ERFL: variants seen among roughly 807,000 people sequenced by gnomAD.
ERFL encodes ETS domain-containing transcription factor ERF-like.
ERFL carries 8 observed loss-of-function variants against 27.9 expected under a neutral mutation model. The ratio of observed to expected loss-of-function variants is 0.29; its 90% CI spans 0.17 to 0.52. The LOEUF is 0.52. Ranked by LOEUF, ERFL falls within the 20% of genes least tolerant of loss-of-function variation. ERFL has a pLI of 0.97. For missense variants in ERFL, 294 were observed against 444.4 expected, an observed-to-expected ratio of 0.66 and a Z score of 3.04; for synonymous variants, 174 against 202.8, an observed-to-expected ratio of 0.86 and a Z score of 1.21.
chr19:41,909,940 G>T lies in ERFL; in HGVS notation c.225C>A (p.Pro75=). The T allele has an allele frequency of 1.9e-6, 3 of 1,613,880 alleles. No homozygotes were observed. Among genetic ancestry groups the T allele is most frequent in the South Asian group, 2.2e-5 (2 of 91,068 alleles). ...GDYGEFVIKD[P]DEVARLWGIR... Reference sequence around the variant, plus strand: ...TACCCCACAGCCGGGCCACCTCATCGGGGTCTTTGATGACGAATTCCCCGT... The same window carrying T: ...TACCCCACAGCCGGGCCACCTCATCTGGGTCTTTGATGACGAATTCCCCGT... Residue 75 remains proline (P), a synonymous_variant, in exon 3 of 6, where the codon CCC becomes CCA. Coordinates refer to ENST00000597630, the MANE Select transcript of ERFL (RefSeq NM_001365103.2). This position sits in a 1 kb window ranked among gnomAD's most constrained non-coding sequence, Gnocchi z 5.2.
chr19:41,919,020 G>A (rs60505133), intron 1 of ERFL, among the ~76,000 whole-genome samples: 40,113 of 149,384 alleles, frequency 0.27, 11,401 homozygotes, highest in African/African-American at 0.72. Flanking sequence ...TACACACCAT[G>A]CCACAGACAC....
At chr19:41,912,795 G>T in intron 2 of ERFL, 58 bp downstream of exon 2, 1 of 575,660 alleles carries the variant, frequency 1.7e-6, no homozygotes, top group Non-Finnish European at 2.5e-6. Context: ...GGGGGATGCG[G>T]CTCACTGGGG....
chr19:41,913,371 C>A (rs1555851442), intron 1 of ERFL, among the ~76,000 whole-genome samples: 1 of 150,128 alleles, frequency 6.7e-6, no homozygotes, highest in Non-Finnish European at 1.5e-5. Context: ...GTCTCTGGGT[C>A]TCCCTCTGTC....
At position 41,909,772 on chromosome 19, in the gene ERFL, G is replaced by T; in HGVS notation, c.302+91C>A. On this transcript the variant is annotated intron_variant, in intron 3 of 5. Transcript: ENST00000597630. The surrounding 1 kb of genome is among the most constrained non-coding windows in gnomAD (Gnocchi z 5.2). ...ACAGCCCTGTGCCTTGTGGGATCCA[G>T]CAGGAACCTGCCCCAGGATGCAGAG... The T allele has an allele frequency of 7.2e-7, 1 of 1,391,096 alleles. No individual in the cohort carries two copies. Among genetic ancestry groups the T allele is most frequent in the Non-Finnish European group, 9.7e-7 (1 of 1,034,408 alleles). The allele number at this position is 1,391,096 out of a possible 1,614,324, so 86.2% of individuals were successfully genotyped here. A position where few individuals can be genotyped will look rare whatever the true frequency, so the allele number is the denominator to read the frequency against.
At chr19:41,926,512 C>G (rs1215427589) in intron 1 of ERFL, among the ~76,000 whole-genome samples, 1 of 152,096 alleles carries the variant, frequency 6.6e-6, no homozygotes, top group Admixed American at 6.5e-5. Context: ...GGTCTGCCAC[C>G]TCGATTTCTC....
chr19:41,921,506 CAG>C lies in ERFL; in HGVS notation c.-14+6532_-14+6533del, dbSNP rs2074842107. Among the ~76,000 whole-genome samples, 1 of 151,640 alleles carries C rather than the reference CAG, an allele frequency of 6.6e-6. No homozygotes were observed. The highest frequency in any genetic ancestry group is 6.6e-5 in the Admixed American group (1 of 15,252). Reference sequence around the variant, plus strand: ...CGCAGAGAGAAGAGAGAGACAGAGACAGAGAGACAGGCAGGGGGAGATCCGAG... The same window carrying C: ...CGCAGAGAGAAGAGAGAGACAGAGACAGAGACAGGCAGGGGGAGATCCGAG... On this transcript the variant is annotated intron_variant, in intron 1 of 5. Transcript: ENST00000597630. The surrounding 1 kb of genome is among the most constrained non-coding windows in gnomAD (Gnocchi z 4.4).
rs1037172360 is a variant in ERFL at position 41,917,410 on chromosome 19, C to A, written c.-13-4478G>T. ...TTGTTTTGATTTCTCTAAGCTGCGC[C>A]GGCCGCCTCGGGAGCCGCCTCGGGC... is the stretch of plus-strand genomic sequence containing the variant. On this transcript the variant is annotated intron_variant, in intron 1 of 5. Coordinates refer to ENST00000597630, the MANE Select transcript of ERFL (RefSeq NM_001365103.2). This position sits in a 1 kb window ranked among gnomAD's most constrained non-coding sequence, Gnocchi z 4.8. Among the ~76,000 whole-genome samples the A allele has an allele frequency of 6.6e-6, 1 of 152,068 alleles. No homozygotes were observed. Among genetic ancestry groups the A allele is most frequent in the Non-Finnish European group, 1.5e-5 (1 of 67,998 alleles).
intron 1 of ERFL, among the ~76,000 whole-genome samples, chr19:41,918,905 CACAT>C (rs782420559): frequency 1.3e-5 from 2 of 151,314 alleles, no homozygotes; most frequent in Admixed American, 1.3e-4. Flanking sequence ...ACCCATTACA[CACAT>C]ACACCACACA....
At chr19:41,919,026 G>A (rs1352537440) in intron 1 of ERFL, among the ~76,000 whole-genome samples, 1 of 148,064 alleles carries the variant, frequency 6.8e-6, no homozygotes, top group Non-Finnish European at 1.5e-5. Context: ...CCATGCCACA[G>A]ACACTATACA....
rs2074762381 is a variant in ERFL at position 41,912,925 on chromosome 19, A to T, written c.-6T>A. On this transcript the variant is annotated 5_prime_UTR_variant, in exon 2 of 6. Coordinates refer to ENST00000597630, the MANE Select transcript of ERFL (RefSeq NM_001365103.2). The stretch of plus-strand genomic sequence containing the variant: ...GAGACGCAGCTACAGTCCATGGCGG[A>T]GCCGGCCCTGCAGAGGCCGGGAGGG... The T allele has an allele frequency of 1.6e-6, 2 of 1,230,374 alleles. No homozygotes were observed. The highest frequency in any genetic ancestry group is 2.0e-6 in the Non-Finnish European group (2 of 987,170). 76.2% of individuals were successfully genotyped at this position (1,230,374 alleles called of 1,614,324 possible). A position where few individuals can be genotyped will look rare whatever the true frequency, so the allele number is the denominator to read the frequency against.
At chr19:41,920,870 G>A (rs1270977848) in intron 1 of ERFL, among the ~76,000 whole-genome samples, 2 of 152,210 alleles carry the variant, frequency 1.3e-5, no homozygotes, top group Non-Finnish European at 2.9e-5. Flanking sequence ...AGAGAGGCCT[G>A]TGGGTGGGGC....
At chr19:41,920,132 C>A (rs1249097162) in intron 1 of ERFL, among the ~76,000 whole-genome samples, 2 of 111,742 alleles carry the variant, frequency 1.8e-5, no homozygotes, top group Non-Finnish European at 3.5e-5. Context: ...CTCACACATG[C>A]GCTCACAGAC....
In ERFL at chr19:41,909,073, T is replaced by G; in HGVS notation, c.603A>C (p.Pro201=). Residue 201 remains proline (P), a synonymous_variant, in exon 5 of 6, where the codon CCA becomes CCC. Transcript: ENST00000597630. The surrounding 1 kb of genome is among the most constrained non-coding windows in gnomAD (Gnocchi z 5.2). ...CCAGGCTCTTACCAGAGCCCAGGAA[T>G]GGGAAAGGGCTGTCCAGACGCAATT... The part of the protein sequence containing the change: ...TDKLRLDSPF[P]FLGSGATSYS... 1.6e-6 allele frequency: 2 copies of G among 1,231,252 alleles called. No homozygotes were observed. Among genetic ancestry groups the G allele is most frequent in the Non-Finnish European group, 2.0e-6 (2 of 987,756 alleles). The allele number at this position is 1,231,252 out of a possible 1,614,324, so 76.3% of individuals were successfully genotyped here. A position where few individuals can be genotyped will look rare whatever the true frequency, so the allele number is the denominator to read the frequency against.
rs2074746203 is a variant in ERFL at position 41,910,573 on chromosome 19, G to C, written c.68-476C>G. Among the ~76,000 whole-genome samples, 1 of 152,024 alleles carries C rather than the reference G, an allele frequency of 6.6e-6. No individual in the cohort carries two copies. Among genetic ancestry groups the C allele is most frequent in the Admixed American group, 6.6e-5 (1 of 15,264 alleles). ...CTGCTCCACCTTTCGACATTCCCCAGAGCCCCCCACTGACCCATCCTGGCA... is the reference window on the plus strand; with the variant it reads ...CTGCTCCACCTTTCGACATTCCCCACAGCCCCCCACTGACCCATCCTGGCA... On this transcript the variant is annotated intron_variant, in intron 2 of 5. Transcript: ENST00000597630. This position sits in a 1 kb window ranked among gnomAD's most constrained non-coding sequence, Gnocchi z 4.4.
In ERFL at chr19:41,914,595, C is replaced by CGTCTCT. The variant is rs1568831646; in HGVS notation, c.-13-1664_-13-1663insAGAGAC. 9.1e-5 allele frequency among the ~76,000 whole-genome samples: 5 copies of CGTCTCT among 55,020 alleles called. 1 individual carries two copies. The highest frequency in any genetic ancestry group is 4.3e-4 in the Admixed American group (2 of 4,598). The allele number at this position is 55,020 out of a possible 152,430, so 36.1% of individuals were successfully genotyped here. A position where few individuals can be genotyped will look rare whatever the true frequency, so the allele number is the denominator to read the frequency against. On this transcript the variant is annotated intron_variant, in intron 1 of 5. Coordinates refer to ENST00000597630, the MANE Select transcript of ERFL (RefSeq NM_001365103.2). ...TCTCCGTCTCTCCCTCCCTTTCCAC[C>CGTCTCT]ATCTCTGTCTCTCCCTCCCCTTCCA...
Position 41,920,343 on chromosome 19 carries a change from TGCACTCAGACGTGAC to T in ERFL, c.-13-7426_-13-7412del, listed in dbSNP as rs1439740308. Among the ~76,000 whole-genome samples, 87 of 130,280 alleles carry T rather than the reference TGCACTCAGACGTGAC, an allele frequency of 6.7e-4. 2 individuals are homozygous for T. The highest frequency in any genetic ancestry group is 2.5e-3 in the African/African-American group (84 of 33,912). 85.5% of individuals were successfully genotyped at this position (130,280 alleles called of 152,430 possible). On this transcript the variant is annotated intron_variant, in intron 1 of 5. Coordinates refer to ENST00000597630, the MANE Select transcript of ERFL (RefSeq NM_001365103.2). ...CCAGACGTGACACACTCAGACGTGA[TGCACTCAGACGTGAC>T]GCACAGACATGACATGTTCACAGAC... is the stretch of plus-strand genomic sequence containing the variant.
In ERFL at chr19:41,928,026, C is replaced by T. The variant is rs1175202564; in HGVS notation, c.-14+14G>A. The T allele has an allele frequency of 2.6e-5, 4 of 152,174 alleles. No homozygotes were observed. Among genetic ancestry groups the T allele is most frequent in the African/African-American group, 9.7e-5 (4 of 41,446 alleles). The allele number at this position is 152,174 out of a possible 1,614,324, so 9.4% of individuals were successfully genotyped here. On this transcript the variant is annotated intron_variant, in intron 1 of 5. Transcript: ENST00000597630. ...CCCCTCCCCGCCCCTGCGCCGGCCG[C>T]GGCGCTCACTCACTTTCTGGGCTTT...
chr19:41,909,598 C>T lies in ERFL; in HGVS notation c.303-127G>A. 4.7e-6 allele frequency: 4 copies of T among 845,682 alleles called. No homozygotes were observed. The highest frequency in any genetic ancestry group is 2.7e-5 in the South Asian group (1 of 37,454). The allele number at this position is 845,682 out of a possible 1,614,324, so 52.4% of individuals were successfully genotyped here. On this transcript the variant is annotated intron_variant, in intron 3 of 5. Coordinates refer to ENST00000597630, the MANE Select transcript of ERFL (RefSeq NM_001365103.2). The surrounding 1 kb of genome is among the most constrained non-coding windows in gnomAD (Gnocchi z 5.2). ...ACTAGAACTTGGGGAAACTGAGGCT[C>T]ACAGAAGTCCCTTAATAGGGATCAC...
Position 41,908,629 on chromosome 19 carries a change from G to A in ERFL, c.664C>T (p.Arg222Cys), listed in dbSNP as rs1348958783. ...TTCCAGGGGTACTCAGGGAAGGCGC[G>A]GCCATAAGGACCCAGCAGGCCAGGG... Reference protein sequence around the residue: ...KPPGLLGPYGRAFPEYPWNFN... With the variant: ...KPPGLLGPYGCAFPEYPWNFN... Residue 222 changes from arginine to cysteine, a missense_variant, in exon 6 of 6, where the codon CGC (arginine) becomes TGC (cysteine). This residue lies in a region of ERFL where 246 missense variants were observed against 371.4 expected (regional missense o/e 0.66). Coordinates refer to ENST00000597630, the MANE Select transcript of ERFL (RefSeq NM_001365103.2). The surrounding 1 kb of genome is among the most constrained non-coding windows in gnomAD (Gnocchi z 6.7). The A allele has an allele frequency of 1.1e-5, 14 of 1,231,666 alleles. No individual in the cohort carries two copies. The East Asian group carries it at 1.3e-4, about 11-fold the overall frequency. The allele number at this position is 1,231,666 out of a possible 1,614,324, so 76.3% of individuals were successfully genotyped here.
Sources: allele counts gnomAD v4.1 joint callset (sites outside exome capture counted in the v4.1 genomes callset), GRCh38; gene constraint gnomAD v4.1.1; regional missense constraint gnomAD v4.1.1; non-coding constraint Gnocchi (gnomAD v3.1); transcripts MANE v1.5; gene names NCBI Gene and HGNC (gene_info 2026-07-23, HGNC 2026-07-21).